Variants in ZNF469 observed in about 807,000 individuals in gnomAD.
ZNF469 encodes the protein zinc finger protein 469.
In ZNF469, 1 loss-of-function variant was observed where a neutral mutation model predicts 1.0. The ratio of observed to expected loss-of-function variants is 1.00; its 90% CI spans 0.35 to 4.73. The LOEUF (loss-of-function observed/expected upper bound fraction) is 4.73, where lower values mean the gene tolerates loss of function less well. Among genes scored for constraint, ZNF469 ranks in the 30% most tolerant of loss-of-function variants. ZNF469 has a pLI of 0.16. For synonymous variants in ZNF469, 2,703 were observed against 2,363.4 expected (o/e 1.14, Z -4.17); for missense variants, 6,100 against 5,356.3 (o/e 1.14, Z -4.33).
In ZNF469 at chr16:88,427,432, C is replaced by T. The variant is rs750999813; in HGVS notation, c.-39C>T. 37 of 1,447,918 alleles carry T rather than the reference C, an allele frequency of 2.6e-5. 1 individual carries two copies. Among genetic ancestry groups the T allele is most frequent in the South Asian group, 4.3e-5 (3 of 70,374 alleles). The allele number at this position is 1,447,918 out of a possible 1,614,324, so 89.7% of individuals were successfully genotyped here. ...CCAGCCCACTCCCCAGGGCCCCCCT[C>T]GGACAGCTGCGTCGTCCTAGCGCCA... On this transcript the variant is annotated 5_prime_UTR_variant, in exon 3 of 3. Transcript: ENST00000565624.
At chr16:88,405,673 C>G (rs1396261860) in intron 1 of ZNF469, among the ~76,000 whole-genome samples, 1 of 152,144 alleles carries the variant, frequency 6.6e-6, no homozygotes, top group Non-Finnish European at 1.5e-5. Flanking sequence ...CCCCACGGAC[C>G]CTGTGGGTGC....
the ZNF469 span, among the ~76,000 whole-genome samples, chr16:88,114,150 C>A: frequency 5.3e-5 from 8 of 151,760 alleles, no homozygotes; most frequent in Non-Finnish European, 7.4e-5. Context: ...ACGGTAAGGG[C>A]CACACTCCCT....
the ZNF469 span, among the ~76,000 whole-genome samples, chr16:88,242,936 A>G: frequency 6.6e-6 from 1 of 152,214 alleles, no homozygotes; most frequent in Non-Finnish European, 1.5e-5. Flanking sequence ...TTATGGAATG[A>G]ACAAAAACAA....
the ZNF469 span, among the ~76,000 whole-genome samples, chr16:88,102,157 C>G: frequency 6.6e-6 from 1 of 150,890 alleles, no homozygotes; most frequent in African/African-American, 2.4e-5. Flanking sequence ...TGATTTATCA[C>G]ACCTTCCAGT....
At chr16:88,382,767 G>C (rs1317156907), upstream of ZNF469, among the ~76,000 whole-genome samples, 1 of 152,246 alleles carries the variant, frequency 6.6e-6, no homozygotes, top group Non-Finnish European at 1.5e-5. Context: ...TCAGCAGCAA[G>C]GCCTGCCATT....
the ZNF469 span, among the ~76,000 whole-genome samples, chr16:88,203,062 A>G: frequency 6.6e-6 from 1 of 151,778 alleles, no homozygotes; most frequent in African/African-American, 2.4e-5. Flanking sequence ...GGGGGCCGTG[A>G]GTCAGGCTGA....
chr16:88,160,025 T>G, the ZNF469 span, among the ~76,000 whole-genome samples: 1 of 152,228 alleles, frequency 6.6e-6, no homozygotes, highest in Non-Finnish European at 1.5e-5. Flanking sequence ...TTTCCCCCTT[T>G]CTGACTCAGT....
the ZNF469 span, among the ~76,000 whole-genome samples, chr16:88,189,053 A>C: frequency 6.6e-6 from 1 of 151,900 alleles, no homozygotes; most frequent in African/African-American, 2.4e-5. This position sits in a 1 kb window ranked among gnomAD's most constrained non-coding sequence, Gnocchi z 4.3. Flanking sequence ...TGAGGGGAGG[A>C]TGTCTCACTA....
chr16:88,236,694 C>G, the ZNF469 span, among the ~76,000 whole-genome samples: 2 of 152,108 alleles, frequency 1.3e-5, no homozygotes, highest in African/African-American at 2.4e-5. Context: ...TGGCAAAACC[C>G]CATCTCTACT....
At chr16:88,205,377 G>T in the ZNF469 span, among the ~76,000 whole-genome samples, 1 of 152,134 alleles carries the variant, frequency 6.6e-6, no homozygotes, top group South Asian at 2.1e-4. This position sits in a 1 kb window ranked among gnomAD's most constrained non-coding sequence, Gnocchi z 4.2. Flanking sequence ...ACTTTGCAGG[G>T]CCGTACCCAG....
At chr16:88,209,304 CTT>C in the ZNF469 span, among the ~76,000 whole-genome samples, 1 of 136,594 alleles carries the variant, frequency 7.3e-6, no homozygotes, top group Admixed American at 7.4e-5. Flanking sequence ...TTTTTTTTTT[CTT>C]TTGAGATGGA....
chr16:88,114,212 G>A, the ZNF469 span, among the ~76,000 whole-genome samples: 1 of 148,078 alleles, frequency 6.8e-6, no homozygotes, highest in African/African-American at 2.5e-5. Flanking sequence ...ACTCACTGCG[G>A]GGGTCTCCGG....
At chr16:88,315,504 G>A in the ZNF469 span, among the ~76,000 whole-genome samples, 7 of 152,316 alleles carry the variant, frequency 4.6e-5, no homozygotes, top group Admixed American at 2.6e-4. Flanking sequence ...TGCAGAGCCC[G>A]CTGCCTCTGT....
the ZNF469 span, among the ~76,000 whole-genome samples, chr16:88,285,595 C>T: frequency 6.6e-6 from 1 of 152,386 alleles, no homozygotes; most frequent in East Asian, 1.9e-4. Context: ...GCCCATTTGG[C>T]ACCCTCTTGC....
the ZNF469 span, among the ~76,000 whole-genome samples, chr16:88,150,107 T>C: frequency 6.6e-6 from 1 of 152,160 alleles, no homozygotes; most frequent in Admixed American, 6.5e-5. Flanking sequence ...CAGAAGTTCG[T>C]GACCAGCCTG....
rs931171498 is a variant in ZNF469, at chr16:88,436,487, C to G, written c.9017C>G (p.Ala3006Gly). The G allele has an allele frequency of 3.9e-6, 6 of 1,547,582 alleles. No homozygotes were observed. The South Asian group carries it at 7.1e-5, about 18-fold the overall frequency. ...CGAGGCCTGGAGATGCCGGCCCCTGCCGATGACTCCTCCTCTTCTCTCGGA... is the reference window on the plus strand; with the variant it reads ...CGAGGCCTGGAGATGCCGGCCCCTGGCGATGACTCCTCCTCTTCTCTCGGA... ...AWRGLEMPAP[A>G]DDSSSSLGDV... Residue 3006 changes from alanine (A) to glycine (G), a missense_variant, in exon 3 of 3, where the codon GCC becomes GGC. Coordinates refer to ENST00000565624, the MANE Select transcript of ZNF469 (RefSeq NM_001367624.2).
chr16:88,409,496 CCACGTG>C (rs1905088871), intron 1 of ZNF469, among the ~76,000 whole-genome samples: 1 of 152,002 alleles, frequency 6.6e-6, no homozygotes, highest in Non-Finnish European at 1.5e-5. Flanking sequence ...GGCGGGTCAC[CCACGTG>C]CTCAGGGCAG....
chr16:88,188,306 C>T, the ZNF469 span, among the ~76,000 whole-genome samples: 2 of 152,076 alleles, frequency 1.3e-5, no homozygotes, highest in African/African-American at 4.8e-5. Context: ...GTGCATCTCA[C>T]TTGGGTAGCA....
the ZNF469 span, among the ~76,000 whole-genome samples, chr16:88,120,786 C>T: frequency 0.04 from 6,084 of 152,242 alleles, 170 homozygotes; most frequent in Admixed American, 0.062. Context: ...AGCTTGTCGA[C>T]GGCGTCTCGT....
Sources: gnomAD v4.1 joint callset for allele counts (sites outside exome capture counted in the v4.1 genomes callset) on GRCh38, gnomAD v4.1.1 for gene constraint, Gnocchi (gnomAD v3.1) non-coding constraint, MANE v1.5 for transcripts, NCBI Gene and HGNC (gene_info 2026-07-23, HGNC 2026-07-21) for gene names.